Variants in ARHGEF10L observed in about 807,000 individuals in gnomAD.
The protein encoded by ARHGEF10L is Rho guanine nucleotide exchange factor 10 like, also known as rho guanine nucleotide exchange factor 10-like protein.
In ARHGEF10L, 69 loss-of-function variants were observed where a neutral mutation model predicts 141.2. The observed-to-expected ratio is 0.49, with a 90% CI of 0.40 to 0.60. The LOEUF (loss-of-function observed/expected upper bound fraction) is 0.60, where lower values mean the gene tolerates loss of function less well. Among genes scored for constraint, ARHGEF10L ranks in the 20% least tolerant of loss-of-function variants. The pLI, the probability that ARHGEF10L is intolerant of heterozygous loss-of-function variation, is 0.00. For synonymous variants in ARHGEF10L, 711 were observed against 718.5 expected, an observed-to-expected ratio of 0.99 and a Z score of 0.17; for missense variants, 1,482 against 1,734.3, an observed-to-expected ratio of 0.85 and a Z score of 2.58.
chr1:17,605,914 T>C (rs192878902), intron 6 of ARHGEF10L, among the ~76,000 whole-genome samples: 1 of 152,234 alleles, frequency 6.6e-6, no homozygotes, highest in Non-Finnish European at 1.5e-5. Flanking sequence ...TACTATTATC[T>C]TTTGCTTAAA....
the ARHGEF10L span, among the ~76,000 whole-genome samples, chr1:17,533,062 T>A: frequency 1.3e-5 from 2 of 152,124 alleles, no homozygotes; most frequent in Non-Finnish European, 2.9e-5. Context: ...TGAATATTCA[T>A]CTCTCCTCTC....
chr1:17,575,273 G>A (rs2100419456), intron 1 of ARHGEF10L, among the ~76,000 whole-genome samples: 1 of 152,318 alleles, frequency 6.6e-6, no homozygotes, highest in South Asian at 2.1e-4. Flanking sequence ...CCCCCTATCA[G>A]CTGCACCTCT....
At chr1:17,590,895 G>A (rs992830829) in intron 4 of ARHGEF10L, among the ~76,000 whole-genome samples, 2 of 152,198 alleles carry the variant, frequency 1.3e-5, no homozygotes, top group African/African-American at 4.8e-5. Flanking sequence ...GCTGAGGCAG[G>A]AGAATCGCTT....
intron 27 of ARHGEF10L, chr1:17,690,034 G>A (rs548439485): frequency 2.8e-6 from 1 of 355,842 alleles, no homozygotes; most frequent in Admixed American, 3.7e-5. Flanking sequence ...TGATTTGAGG[G>A]CCAGGTAAAC....
chr1:17,662,953 G>A (rs558541726), intron 25 of ARHGEF10L, among the ~76,000 whole-genome samples: 4 of 152,252 alleles, frequency 2.6e-5, no homozygotes, highest in African/African-American at 9.6e-5. Context: ...CTAGTCCCCC[G>A]CCACTGCTGC....
At chr1:17,635,470 TTC>T (rs2060943597) in intron 18 of ARHGEF10L, among the ~76,000 whole-genome samples, 1 of 152,150 alleles carries the variant, frequency 6.6e-6, no homozygotes, top group Non-Finnish European at 1.5e-5. Flanking sequence ...CCTCTGCCCC[TTC>T]TCTCTGCTGC....
rs1478827297 is a variant in ARHGEF10L at position 17,539,732 on chromosome 1, T to C, written c.-262T>C. 6.9e-6 allele frequency: 1 copy of C among 144,360 alleles called. No individual in the cohort carries two copies. Among genetic ancestry groups the C allele is most frequent in the African/African-American group, 2.5e-5 (1 of 39,892 alleles). 8.9% of individuals were successfully genotyped at this position (144,360 alleles called of 1,614,324 possible). On this transcript the variant is annotated 5_prime_UTR_variant, in exon 1 of 29. Coordinates refer to ENST00000361221, the MANE Select transcript of ARHGEF10L (RefSeq NM_018125.4). This position sits in a 1 kb window ranked among gnomAD's most constrained non-coding sequence, Gnocchi z 6.0. ...ACGGCGGCGGCGGCGGGACCAGGCC[T>C]CGGAGCGCGGCGGGCGCGGGCGCAG...
At chr1:17,612,940 T>C in intron 7 of ARHGEF10L, 118 bp from the exon 8 acceptor site, 1 of 691,084 alleles carries the variant, frequency 1.4e-6, no homozygotes, top group South Asian at 1.7e-5. Context: ...CTGCCCGAGC[T>C]GTCCGTCCGC....
At chr1:17,514,256 C>G in the ARHGEF10L span, among the ~76,000 whole-genome samples, 1 of 151,262 alleles carries the variant, frequency 6.6e-6, no homozygotes, top group Non-Finnish European at 1.5e-5. Context: ...CTGCCTCAGC[C>G]TCCCGAGTAG....
At chr1:17,587,939 A>C (rs927987695) in intron 3 of ARHGEF10L, among the ~76,000 whole-genome samples, 5 of 152,228 alleles carry the variant, frequency 3.3e-5, no homozygotes, top group African/African-American at 1.2e-4. Flanking sequence ...TCCTCCCTGC[A>C]GCTTCTCCTA....
chr1:17,697,605 G>A lies in ARHGEF10L; in HGVS notation c.*225G>A. ...AGGGAGGACACATCTGGAGGAAATGGCCTTCTTTTTAAAAGCAAAAAACAC... is the reference window on the plus strand; with the variant it reads ...AGGGAGGACACATCTGGAGGAAATGACCTTCTTTTTAAAAGCAAAAAACAC... On this transcript the variant is annotated 3_prime_UTR_variant, in exon 29 of 29. Transcript: ENST00000361221. The surrounding 1 kb of genome is among the most constrained non-coding windows in gnomAD (Gnocchi z 4.8). 1.5e-6 allele frequency: 1 copy of A among 683,652 alleles called. No homozygotes were observed. The highest frequency in any genetic ancestry group is 2.9e-5 in the East Asian group (1 of 35,074). The allele number at this position is 683,652 out of a possible 1,614,324, so 42.3% of individuals were successfully genotyped here.
chr1:17,599,711 T>C (rs973004849), intron 4 of ARHGEF10L, among the ~76,000 whole-genome samples: 1 of 152,064 alleles, frequency 6.6e-6, no homozygotes. Context: ...GTGGAAAGTG[T>C]CTCCCCAGGA....
chr1:17,654,817 T>TGAGATGAGGCAG lies in ARHGEF10L; in HGVS notation c.2481+96_2481+97insAGATGAGGCAGG. 1 of 1,148,286 alleles carries TGAGATGAGGCAG rather than the reference T, an allele frequency of 8.7e-7. No individual in the cohort carries two copies. The highest frequency in any genetic ancestry group is 1.3e-6 in the Non-Finnish European group (1 of 768,254). 71.1% of individuals were successfully genotyped at this position (1,148,286 alleles called of 1,614,324 possible). A position where few individuals can be genotyped will look rare whatever the true frequency, so the allele number is the denominator to read the frequency against. On this transcript the variant is annotated intron_variant, in intron 23 of 28. Transcript: ENST00000361221. This position sits in a 1 kb window ranked among gnomAD's most constrained non-coding sequence, Gnocchi z 4.3. ...GGGGGTGCTGGAGACAGCAGCTGCC[T>TGAGATGAGGCAG]GCCTCATCTCATGCAGCTTCATCCA...
chr1:17,692,770 G>A (rs1453381708), intron 27 of ARHGEF10L, among the ~76,000 whole-genome samples: 2 of 152,198 alleles, frequency 1.3e-5, no homozygotes, highest in East Asian at 1.9e-4. Context: ...CCAGAATTAT[G>A]AGCCCCAGTC....
At chr1:17,612,541 C>A (rs966859179) in intron 7 of ARHGEF10L, among the ~76,000 whole-genome samples, 2 of 152,222 alleles carry the variant, frequency 1.3e-5, no homozygotes, top group Non-Finnish European at 2.9e-5. Flanking sequence ...GCCCATCCAT[C>A]TGCCAAACTC....
rs72648448 is a variant in ARHGEF10L, at chr1:17,652,648, G to A, written c.2395-1988G>A. On this transcript the variant is annotated intron_variant, in intron 22 of 28. Transcript: ENST00000361221. ...ACTACGGTGTCGAAGGTTCTTCTTG[G>A]ACCCCTGGCTCCATCCAAGGGGGAA... Among the ~76,000 whole-genome samples, 529 of 152,190 alleles carry A rather than the reference G, an allele frequency of 3.5e-3. 1 individual carries two copies. Among genetic ancestry groups the A allele is most frequent in the Non-Finnish European group, 6.5e-3 (439 of 68,006 alleles).
chr1:17,660,239 G>A (rs985526285), intron 25 of ARHGEF10L, among the ~76,000 whole-genome samples: 16 of 152,208 alleles, frequency 1.1e-4, no homozygotes, highest in Non-Finnish European at 1.8e-4. Flanking sequence ...CTGGTTGGGC[G>A]CTGGGGCTGT....
chr1:17,670,407 G>A (rs1250001547), intron 26 of ARHGEF10L, among the ~76,000 whole-genome samples: 3 of 152,356 alleles, frequency 2.0e-5, no homozygotes, highest in East Asian at 3.9e-4. Context: ...CGCGTCCTCC[G>A]CGTTCATGAT....
chr1:17,679,626 A>G (rs1355481499), intron 26 of ARHGEF10L, among the ~76,000 whole-genome samples: 1 of 152,236 alleles, frequency 6.6e-6, no homozygotes, highest in Non-Finnish European at 1.5e-5. Flanking sequence ...GTTGATAAGA[A>G]TGAGATAAAG....
Sources: allele counts gnomAD v4.1 joint callset (sites outside exome capture counted in the v4.1 genomes callset), GRCh38; gene constraint gnomAD v4.1.1; non-coding constraint Gnocchi (gnomAD v3.1); transcripts MANE v1.5; gene names NCBI Gene and HGNC (gene_info 2026-07-23, HGNC 2026-07-21).